Variants in RIMBP2 observed in about 807,000 individuals in gnomAD.
The protein encoded by RIMBP2 is RIMS-binding protein 2.
A neutral mutation model predicts 118.6 loss-of-function variants in RIMBP2; 48 were observed. The ratio of observed to expected loss-of-function variants is 0.40; its 90% CI spans 0.32 to 0.51. The LOEUF (loss-of-function observed/expected upper bound fraction) is 0.51. RIMBP2 is among the 20% of genes least tolerant of loss of function. RIMBP2 has a pLI of 0.41. For missense variants in RIMBP2, 1,551 were observed against 1,768.3 expected, an observed-to-expected ratio of 0.88 and a Z score of 2.20; for synonymous variants, 762 against 742.9, an observed-to-expected ratio of 1.03 and a Z score of -0.42.
At chr12:130,648,840 G>C (rs1003275743) in intron 1 of RIMBP2, among the ~76,000 whole-genome samples, 6 of 145,074 alleles carry the variant, frequency 4.1e-5, no homozygotes, top group African/African-American at 1.5e-4. Context: ...ATTTTTAGTA[G>C]GGACAGGGTT....
In RIMBP2 at chr12:130,646,118, ACCAC is replaced by A. The variant is rs2062895522; in HGVS notation, c.-351-17666_-351-17663del. On this transcript the variant is annotated intron_variant, in intron 1 of 22. Transcript: ENST00000690449. ...CTCCACCTCCCTCTCCACCTCCCTCACCACCTGCCTCTCCACCTCCCTCACCACC... is the reference window on the plus strand; with the variant it reads ...CTCCACCTCCCTCTCCACCTCCCTCACTGCCTCTCCACCTCCCTCACCACC... Among the ~76,000 whole-genome samples, 2 of 62,388 alleles carry A rather than the reference ACCAC, an allele frequency of 3.2e-5. 1 individual carries two copies. Among genetic ancestry groups the A allele is most frequent in the Non-Finnish European group, 6.0e-5 (2 of 33,414 alleles). The allele number at this position is 62,388 out of a possible 152,430, so 40.9% of individuals were successfully genotyped here. A position where few individuals can be genotyped will look rare whatever the true frequency, so the allele number is the denominator to read the frequency against.
intron 1 of RIMBP2, among the ~76,000 whole-genome samples, chr12:130,675,968 C>T (rs545197035): frequency 2.0e-5 from 3 of 152,354 alleles, no homozygotes; most frequent in African/African-American, 7.2e-5. Flanking sequence ...GTGTGGGGCT[C>T]TCACGATGGC....
intron 6 of RIMBP2, among the ~76,000 whole-genome samples, chr12:130,459,582 C>T (rs2079790883): frequency 6.6e-6 from 1 of 152,194 alleles, no homozygotes; most frequent in Non-Finnish European, 1.5e-5. Flanking sequence ...AAAGGTACCA[C>T]CCCATCAAGG....
chr12:130,601,017 A>G (rs1019769849), intron 2 of RIMBP2, among the ~76,000 whole-genome samples: 2 of 152,044 alleles, frequency 1.3e-5, no homozygotes, highest in African/African-American at 4.8e-5. Flanking sequence ...AGCCGAGTAC[A>G]CCCTTCATTT....
At chr12:130,632,346 A>G (rs2062044250) in intron 1 of RIMBP2, among the ~76,000 whole-genome samples, 1 of 152,242 alleles carries the variant, frequency 6.6e-6, no homozygotes, top group Admixed American at 6.5e-5. Flanking sequence ...AATAACATGA[A>G]AAAACGAGAT....
intron 1 of RIMBP2, among the ~76,000 whole-genome samples, chr12:130,649,143 G>A (rs903771427): frequency 1.4e-5 from 2 of 145,928 alleles, no homozygotes; most frequent in African/African-American, 4.9e-5. Flanking sequence ...TGGGTACGGA[G>A]GTGGCAGGAG....
intron 2 of RIMBP2, among the ~76,000 whole-genome samples, chr12:130,535,712 C>CATATACATAT (rs1199978647): frequency 2.0e-5 from 2 of 99,168 alleles, no homozygotes; most frequent in African/African-American, 6.8e-5. Context: ...TACACATATA[C>CATATACATAT]ATATACATAT....
chr12:130,518,492 A>G (rs2051720273), intron 2 of RIMBP2, among the ~76,000 whole-genome samples: 1 of 152,206 alleles, frequency 6.6e-6, no homozygotes, highest in Non-Finnish European at 1.5e-5. Flanking sequence ...GACATGAACT[A>G]AGGTCACCAC....
In RIMBP2 at chr12:130,647,318, G is replaced by A. The variant is rs144619097; in HGVS notation, c.-351-18862C>T. Reference sequence around the variant, plus strand: ...GTGGAGGTTGCAGTGAGCTGAGATCGCACCACTGCACTCCAGCCTAGGTGA... The same window carrying A: ...GTGGAGGTTGCAGTGAGCTGAGATCACACCACTGCACTCCAGCCTAGGTGA... On this transcript the variant is annotated intron_variant, in intron 1 of 22. Coordinates refer to ENST00000690449, the MANE Select transcript of RIMBP2 (RefSeq NM_001393629.1). Among the ~76,000 whole-genome samples, 338 of 152,146 alleles carry A rather than the reference G, an allele frequency of 2.2e-3. 1 individual carries two copies. Among genetic ancestry groups the A allele is most frequent in the African/African-American group, 6.7e-3 (277 of 41,488 alleles).
chr12:130,514,700 A>AT (rs2051262944), intron 3 of RIMBP2, among the ~76,000 whole-genome samples: 1 of 151,984 alleles, frequency 6.6e-6, no homozygotes, highest in Non-Finnish European at 1.5e-5. Context: ...TCTTTTTTAT[A>AT]TTTTTCCTCC....
chr12:130,409,411 C>T (rs1041368149), intron 19 of RIMBP2, among the ~76,000 whole-genome samples: 11 of 148,532 alleles, frequency 7.4e-5, no homozygotes, highest in Admixed American at 2.7e-4. Context: ...GGCGCGATCC[C>T]GGCTCACTGC....
rs1165423654 is a variant in RIMBP2 at position 130,424,363 on chromosome 12, C to T, written c.2908G>A (p.Val970Met). 24 of 1,232,556 alleles carry T rather than the reference C, an allele frequency of 1.9e-5. No homozygotes were observed. In the East Asian group the frequency reaches 3.8e-4, roughly 19 times the overall value. 76.4% of individuals were successfully genotyped at this position (1,232,556 alleles called of 1,614,324 possible). Residue 970 changes from valine (V) to methionine (M), a missense_variant, in exon 16 of 23, where the codon GTG (valine) becomes ATG (methionine). By Grantham distance (21) the Val-to-Met change is conservative (BLOSUM62 1). This residue lies in a region of RIMBP2 where 1,038 missense variants were observed against 1,125.1 expected (regional missense o/e 0.92). Transcript: ENST00000690449. This position sits in a 1 kb window ranked among gnomAD's most constrained non-coding sequence, Gnocchi z 9.8. ...RRRTLTRQSS[V>M]EEDFGEQVGP... The stretch of plus-strand genomic sequence containing the variant: ...ACCTGCTCCCCAAAGTCCTCCTCCA[C>T]GCTGCTCTGCCGGGTCAGCGTCCGC...
chr12:130,592,489 G>C (rs2140330059), intron 2 of RIMBP2, among the ~76,000 whole-genome samples: 1 of 152,220 alleles, frequency 6.6e-6, no homozygotes, highest in South Asian at 2.1e-4. Flanking sequence ...AGGAGTTCAA[G>C]ACCAGCCTGG....
intron 21 of RIMBP2, among the ~76,000 whole-genome samples, chr12:130,400,747 T>A (rs1361708742): frequency 6.6e-6 from 1 of 152,092 alleles, no homozygotes; most frequent in Non-Finnish European, 1.5e-5. Context: ...GGGGTTAATA[T>A]CCAGAACATA....
intron 1 of RIMBP2, among the ~76,000 whole-genome samples, chr12:130,696,382 C>T (rs2065578494): frequency 6.6e-6 from 1 of 152,234 alleles, no homozygotes; most frequent in Non-Finnish European, 1.5e-5. Flanking sequence ...AATGTGTCAT[C>T]TGCATCCCTC....
intron 2 of RIMBP2, among the ~76,000 whole-genome samples, chr12:130,595,611 A>T (rs928388733): frequency 1.3e-5 from 2 of 152,196 alleles, no homozygotes; most frequent in East Asian, 1.9e-4. Flanking sequence ...TTTAACAAGC[A>T]TCTCTCCTTG....
chr12:130,506,530 G>A, intron 4 of RIMBP2, 118 bp downstream of exon 4: 3 of 684,646 alleles, frequency 4.4e-6, no homozygotes, highest in Non-Finnish European at 5.4e-6. Context: ...CTCTGAATGT[G>A]GATGATGGCT....
intron 4 of RIMBP2, among the ~76,000 whole-genome samples, chr12:130,486,460 G>A (rs753689861): frequency 4.0e-5 from 6 of 150,332 alleles, no homozygotes; most frequent in Non-Finnish European, 7.4e-5. Context: ...CTTCATCCCC[G>A]TCCCCCGCCC....
chr12:130,650,144 G>A (rs1482207835), intron 1 of RIMBP2, among the ~76,000 whole-genome samples: 1 of 152,086 alleles, frequency 6.6e-6, no homozygotes, highest in Non-Finnish European at 1.5e-5. Flanking sequence ...AATTGCGGCT[G>A]CTGCCTTGCC....
Sources: allele counts gnomAD v4.1 joint callset (sites outside exome capture counted in the v4.1 genomes callset), GRCh38; gene constraint gnomAD v4.1.1; regional missense constraint gnomAD v4.1.1; non-coding constraint Gnocchi (gnomAD v3.1); transcripts MANE v1.5; gene names NCBI Gene and HGNC (gene_info 2026-07-23, HGNC 2026-07-21).